Variants in DCC observed in about 807,000 individuals in gnomAD.
DCC encodes the protein netrin receptor DCC.
In DCC, 58 loss-of-function variants were observed where a neutral mutation model predicts 172.5. That is an observed-to-expected ratio of 0.34 (90% confidence interval 0.27 to 0.42). The LOEUF (loss-of-function observed/expected upper bound fraction) is 0.42, where lower values mean the gene tolerates loss of function less well. Among genes scored for constraint, DCC ranks in the 10% least tolerant of loss-of-function variants. The pLI is 1.00. For missense variants in DCC, 1,740 were observed against 1,791.0 expected (o/e 0.97, Z 0.51); for synonymous variants, 709 against 644.5 (o/e 1.10, Z -1.52).
At chr18:53,490,758 G>GAGAGT (rs2045951606) in intron 26 of DCC, among the ~76,000 whole-genome samples, 1 of 152,228 alleles carries the variant, frequency 6.6e-6, no homozygotes, top group Non-Finnish European at 1.5e-5. Context: ...CATCTGAAAT[G>GAGAGT]AGAGTATTTC....
At chr18:52,845,871 T>C (rs2063892583) in intron 2 of DCC, among the ~76,000 whole-genome samples, 3 of 152,172 alleles carry the variant, frequency 2.0e-5, no homozygotes, top group Admixed American at 6.5e-5. Context: ...ATTTACCTTA[T>C]TTGTGTGTGA....
intron 14 of DCC, among the ~76,000 whole-genome samples, chr18:53,329,379 C>T (rs754379486): frequency 3.3e-5 from 5 of 151,848 alleles, no homozygotes; most frequent in Admixed American, 6.6e-5. Context: ...TTGAATATTA[C>T]AAGACACTGC....
chr18:52,783,678 G>A (rs1341224274), intron 2 of DCC, among the ~76,000 whole-genome samples: 1 of 151,612 alleles, frequency 6.6e-6, no homozygotes, highest in Non-Finnish European at 1.5e-5. Flanking sequence ...ATATACAAGT[G>A]TATATGTGTA....
intron 12 of DCC, among the ~76,000 whole-genome samples, chr18:53,262,321 G>T (rs2056616405): frequency 6.6e-6 from 1 of 152,082 alleles, no homozygotes; most frequent in Non-Finnish European, 1.5e-5. Context: ...GCTATTTTCT[G>T]CAAATTCTAA....
At chr18:52,373,492 T>C (rs1985211996) in intron 1 of DCC, among the ~76,000 whole-genome samples, 1 of 152,242 alleles carries the variant, frequency 6.6e-6, no homozygotes, top group South Asian at 2.1e-4. Flanking sequence ...TTTTGCTGTA[T>C]ATTTAAAATT....
chr18:52,756,165 T>C (rs1459608834), intron 2 of DCC, among the ~76,000 whole-genome samples: 1 of 152,230 alleles, frequency 6.6e-6, no homozygotes, highest in Admixed American at 6.5e-5. Context: ...TTTATCCAAT[T>C]AGCTCTAATC....
chr18:52,986,784 C>CATATATATACACACATGTGTAGT (rs2041300923), intron 5 of DCC, among the ~76,000 whole-genome samples: 1 of 150,868 alleles, frequency 6.6e-6, no homozygotes, highest in African/African-American at 2.5e-5. Context: ...CATACATATG[C>CATATATATACACACATGTGTAGT]ATATATATAC....
At chr18:52,580,359 A>C (rs1363569936) in intron 1 of DCC, among the ~76,000 whole-genome samples, 2 of 152,154 alleles carry the variant, frequency 1.3e-5, no homozygotes, top group Non-Finnish European at 2.9e-5. Context: ...ACAATGAGAC[A>C]TTTTTAGAGA....
chr18:53,009,075 A>T (rs2041689389), intron 5 of DCC, among the ~76,000 whole-genome samples: 1 of 151,904 alleles, frequency 6.6e-6, no homozygotes, highest in African/African-American at 2.4e-5. Flanking sequence ...CGCTCTGTGG[A>T]TTCCTCATCT....
chr18:53,262,536 C>T (rs2056618943), intron 12 of DCC, among the ~76,000 whole-genome samples: 1 of 152,160 alleles, frequency 6.6e-6, no homozygotes. Flanking sequence ...AATTTTCATG[C>T]ACATATTTAA....
chr18:53,010,473 A>G (rs990371340), intron 5 of DCC, among the ~76,000 whole-genome samples: 1 of 151,746 alleles, frequency 6.6e-6, no homozygotes, highest in East Asian at 1.9e-4. Flanking sequence ...ACTATTAAAT[A>G]GAATTACTCT....
intron 2 of DCC, among the ~76,000 whole-genome samples, chr18:52,876,954 G>A (rs1055815542): frequency 6.6e-6 from 1 of 152,124 alleles, no homozygotes; most frequent in Non-Finnish European, 1.5e-5. Flanking sequence ...GATGACACCA[G>A]TTAAATTTGA....
At chr18:53,419,665 A>G (rs1336100057) in intron 21 of DCC, among the ~76,000 whole-genome samples, 2 of 152,014 alleles carry the variant, frequency 1.3e-5, no homozygotes, top group African/African-American at 4.8e-5. Flanking sequence ...GCTTTACAGG[A>G]GTGACTCACT....
At position 52,511,711 on chromosome 18, in the gene DCC, A is replaced by G. The variant is rs1001036983; in HGVS notation, c.91+170833A>G. 2.0e-5 allele frequency among the ~76,000 whole-genome samples: 3 copies of G among 152,338 alleles called. No individual in the cohort carries two copies. The South Asian group carries it at 6.2e-4, about 32-fold the overall frequency. On this transcript the variant is annotated intron_variant, in intron 1 of 28. Coordinates refer to ENST00000442544, the MANE Select transcript of DCC (RefSeq NM_005215.4). ...AATTCTCGCGTTAAAGTTCACCGAC[A>G]TTTTAATCTCACAACATTTTAATCC...
At chr18:52,815,801 G>A (rs1434985432) in intron 2 of DCC, among the ~76,000 whole-genome samples, 1 of 152,182 alleles carries the variant, frequency 6.6e-6, no homozygotes, top group Admixed American at 6.5e-5. Context: ...TATAGGACAT[G>A]TTATATAAAT....
chr18:52,709,641 A>G (rs2036262849), intron 1 of DCC, among the ~76,000 whole-genome samples: 1 of 152,182 alleles, frequency 6.6e-6, no homozygotes, highest in South Asian at 2.1e-4. Flanking sequence ...ATGCTATTTT[A>G]TTTTGAAATC....
intron 1 of DCC, among the ~76,000 whole-genome samples, chr18:52,726,222 C>T (rs994450051): frequency 3.9e-5 from 6 of 152,194 alleles, no homozygotes; most frequent in Non-Finnish European, 8.8e-5. Context: ...ATGTCACACA[C>T]AGCTGGCAAT....
intron 7 of DCC, among the ~76,000 whole-genome samples, chr18:53,072,317 G>T (rs77643800): frequency 2.0e-5 from 3 of 152,184 alleles, no homozygotes; most frequent in Admixed American, 6.5e-5. Flanking sequence ...TAAGGACCCT[G>T]TTTGGTAGCT....
chr18:52,964,799 T>C (rs2040902201), intron 5 of DCC, among the ~76,000 whole-genome samples: 1 of 152,166 alleles, frequency 6.6e-6, no homozygotes, highest in African/African-American at 2.4e-5. Context: ...TGGAAATCAG[T>C]TTCAATTTGC....
Sources: allele counts gnomAD v4.1 joint callset (sites outside exome capture counted in the v4.1 genomes callset), GRCh38; gene constraint gnomAD v4.1.1; transcripts MANE v1.5; gene names NCBI Gene and HGNC (gene_info 2026-07-23, HGNC 2026-07-21).